The following TRAK1 variants were observed in gnomAD, a reference collection of about 807,000 sequenced individuals.
The protein encoded by TRAK1 is trafficking kinesin-binding protein 1.
Under a neutral mutation model 92.1 loss-of-function variants are expected in TRAK1, and 33 were observed. That is an observed-to-expected ratio of 0.36 (90% CI 0.27 to 0.48). The LOEUF (loss-of-function observed/expected upper bound fraction) is 0.48. Ranked by LOEUF, TRAK1 falls within the 20% of genes least tolerant of loss-of-function variation. The pLI, the probability that TRAK1 is intolerant of heterozygous loss-of-function variation, is 0.99. For missense variants in TRAK1, 1,123 were observed against 1,257.9 expected, an observed-to-expected ratio of 0.89 and a Z score of 1.62; for synonymous variants, 521 against 517.3, an observed-to-expected ratio of 1.01 and a Z score of -0.10.
intron 14 of TRAK1, among the ~76,000 whole-genome samples, chr3:42,217,090 T>G (rs931327476): frequency 3.4e-5 from 5 of 147,558 alleles, no homozygotes; most frequent in African/African-American, 1.3e-4. Flanking sequence ...TGTTTCTCTC[T>G]CTCTCTCTTT....
intron 1 of TRAK1, among the ~76,000 whole-genome samples, chr3:42,081,234 C>G (rs966282353): frequency 1.3e-5 from 2 of 152,116 alleles, no homozygotes; most frequent in Non-Finnish European, 2.9e-5. Context: ...AGGTTAAACT[C>G]GAGCCAGCCT....
At chr3:42,016,743 A>C (rs1462401820) in intron 1 of TRAK1, among the ~76,000 whole-genome samples, 1 of 152,184 alleles carries the variant, frequency 6.6e-6, no homozygotes, top group Non-Finnish European at 1.5e-5. Flanking sequence ...ATAGGTGGCC[A>C]GTTTTTCTGC....
At chr3:42,181,255 G>A (rs985973796) in intron 3 of TRAK1, among the ~76,000 whole-genome samples, 5 of 152,202 alleles carry the variant, frequency 3.3e-5, no homozygotes, top group Non-Finnish European at 7.3e-5. Flanking sequence ...TACAAAATGC[G>A]GCTAAAGGCC....
chr3:42,148,745 C>T (rs62257333), intron 2 of TRAK1, among the ~76,000 whole-genome samples: 1 of 152,168 alleles, frequency 6.6e-6, no homozygotes, highest in Non-Finnish European at 1.5e-5. Context: ...AATAGTAGTG[C>T]ATCTAAGTGA....
In TRAK1 at chr3:42,194,910, G is replaced by A. The variant is rs768244951; in HGVS notation, c.1082G>A (p.Arg361Gln). 1.9e-6 allele frequency: 3 copies of A among 1,613,726 alleles called. No individual in the cohort carries two copies. The highest frequency in any genetic ancestry group is 2.7e-5 in the African/African-American group (2 of 74,904). Reference sequence around the variant, plus strand: ...AAAACCATGCCCAATACCACGTCTCGGCGCTACCACTCACTGGGCCTGTTT... The same window carrying A: ...AAAACCATGCCCAATACCACGTCTCAGCGCTACCACTCACTGGGCCTGTTT... Reference protein sequence around the residue: ...RNKTMPNTTSRRYHSLGLFPM... With the variant: ...RNKTMPNTTSQRYHSLGLFPM... Residue 361 changes from arginine (R) to glutamine (Q), a missense_variant, in exon 10 of 16, where the codon CGG (arginine) becomes CAG (glutamine). Physicochemically the swap from Arg to Gln is conservative, Grantham distance 43. This residue lies in a region of TRAK1 where 686 missense variants were observed against 747.6 expected (regional missense o/e 0.92). Coordinates refer to ENST00000327628, the MANE Select transcript of TRAK1 (RefSeq NM_001042646.3).
At chr3:42,142,792 G>T (rs952211505) in intron 2 of TRAK1, among the ~76,000 whole-genome samples, 1 of 152,164 alleles carries the variant, frequency 6.6e-6, no homozygotes, top group African/African-American at 2.4e-5. Flanking sequence ...GAAGATTCAT[G>T]GCCTTTACAG....
intron 2 of TRAK1, among the ~76,000 whole-genome samples, chr3:42,150,076 G>A (rs1478213766): frequency 6.6e-6 from 1 of 152,002 alleles, no homozygotes; most frequent in African/African-American, 2.4e-5. Flanking sequence ...CCAGACCTGG[G>A]AACCATCAGA....
chr3:42,205,493 C>T lies in TRAK1; in HGVS notation c.1744+2741C>T, dbSNP rs539634795. ...TTTAAGAGTGCTAGCACTTTCTTGT[C>T]TCTTCATCTTACCTTACCAGTTTTA... On this transcript the variant is annotated intron_variant, in intron 13 of 15. Transcript: ENST00000327628. 3.3e-5 allele frequency among the ~76,000 whole-genome samples: 5 copies of T among 152,330 alleles called. No individual in the cohort carries two copies. The South Asian group carries it at 6.2e-4, about 19-fold the overall frequency.
intron 15 of TRAK1, among the ~76,000 whole-genome samples, chr3:42,219,865 G>A (rs979677682): frequency 2.9e-5 from 4 of 136,430 alleles, no homozygotes; most frequent in South Asian, 4.7e-4. Flanking sequence ...GCGTGATCTC[G>A]GCTCACTGCA....
At chr3:42,038,712 C>A (rs529065590) in intron 1 of TRAK1, among the ~76,000 whole-genome samples, 1 of 146,314 alleles carries the variant, frequency 6.8e-6, no homozygotes, top group Non-Finnish European at 1.5e-5. Flanking sequence ...TGCTTGAATC[C>A]GGGAGGCAGA....
At chr3:42,045,580 G>T (rs568254056) in intron 1 of TRAK1, among the ~76,000 whole-genome samples, 1 of 152,168 alleles carries the variant, frequency 6.6e-6, no homozygotes, top group Non-Finnish European at 1.5e-5. Context: ...GTGAGGTGGT[G>T]GGTCAGCATG....
At chr3:42,113,958 C>T (rs1360203783) in intron 1 of TRAK1, among the ~76,000 whole-genome samples, 2 of 152,176 alleles carry the variant, frequency 1.3e-5, no homozygotes, top group Admixed American at 1.3e-4. Flanking sequence ...CAAAAGGAAA[C>T]CACCTCCCCA....
chr3:42,040,083 TG>T (rs1214081483), intron 1 of TRAK1, among the ~76,000 whole-genome samples: 2 of 152,182 alleles, frequency 1.3e-5, no homozygotes, highest in Non-Finnish European at 2.9e-5. Context: ...TTATATATTC[TG>T]GATACAAGTC....
chr3:42,194,697 G>A (rs947379872), intron 9 of TRAK1, 107 bp from the exon 10 acceptor site: 80 of 1,378,318 alleles, frequency 5.8e-5, no homozygotes, highest in Non-Finnish European at 7.3e-5. Context: ...TTCCACACGT[G>A]CTGGGGACTC....
At chr3:42,084,106 C>T (rs73828529), upstream of TRAK1, among the ~76,000 whole-genome samples, 3,134 of 151,936 alleles carry the variant, frequency 0.021, 121 homozygotes, top group African/African-American at 0.072. Context: ...TAAGTCTTCA[C>T]CTCTAGAAAA....
In TRAK1 at chr3:42,218,225, G is replaced by C. The variant is rs929623186; in HGVS notation, c.1964-1269G>C. 2.8e-5 allele frequency: 28 copies of C among 985,196 alleles called. No individual in the cohort carries two copies. The African/African-American group carries it at 4.9e-4, about 17-fold the overall frequency. 61.0% of individuals were successfully genotyped at this position (985,196 alleles called of 1,614,324 possible). On this transcript the variant is annotated intron_variant, in intron 14 of 15. Transcript: ENST00000327628. ...CATCGGGTTCCTGGTTTTCTTTTAAGACATAGTCAACTGTGTGGACCTGTA... is the reference window on the plus strand; with the variant it reads ...CATCGGGTTCCTGGTTTTCTTTTAACACATAGTCAACTGTGTGGACCTGTA...
At chr3:42,210,317 T>A (rs1708867201) in intron 14 of TRAK1, 3 of 1,506,498 alleles carry the variant, frequency 2.0e-6, no homozygotes, top group Non-Finnish European at 2.7e-6. Context: ...ATGCCTCCTA[T>A]TTGTAACAAT....
In TRAK1 at chr3:42,113,339, TCTACTC is replaced by T. The variant is rs1350932555; in HGVS notation, c.92-12070_92-12065del. Among the ~76,000 whole-genome samples the T allele has an allele frequency of 1.7e-3, 252 of 151,550 alleles. 6 individuals carry two copies. In the South Asian group the frequency reaches 0.04, roughly 24 times the overall value. Reference sequence around the variant, plus strand: ...TTCTACTCTACTCTCTACTCTCTACTCTACTCCTACTCCTACGCCTACGCCTACGCC... The same window carrying T: ...TTCTACTCTACTCTCTACTCTCTACTCTACTCCTACGCCTACGCCTACGCC... On this transcript the variant is annotated intron_variant, in intron 1 of 15. Transcript: ENST00000327628.
intron 9 of TRAK1, 50 bp from the exon 10 acceptor site, chr3:42,194,754 C>A (rs752436789): frequency 6.4e-5 from 102 of 1,601,672 alleles, no homozygotes; most frequent in Non-Finnish European, 8.4e-5. Flanking sequence ...GATGTGTGTA[C>A]ACCTGGGTGC....
Sources: allele counts gnomAD v4.1 joint callset (sites outside exome capture counted in the v4.1 genomes callset), GRCh38; gene constraint gnomAD v4.1.1; regional missense constraint gnomAD v4.1.1; transcripts MANE v1.5; gene names NCBI Gene and HGNC (gene_info 2026-07-23, HGNC 2026-07-21).